The following TMPRSS15 variants were observed in gnomAD, a reference collection of about 807,000 sequenced individuals.
TMPRSS15 encodes the protein transmembrane serine protease 15, also known as enteropeptidase.
In TMPRSS15, 128 loss-of-function variants were observed where a neutral mutation model predicts 125.3. That is an observed-to-expected ratio of 1.02 (90% CI 0.89 to 1.18). The LOEUF is 1.18. Ranked by LOEUF, TMPRSS15 falls within the 50% of genes most tolerant of loss-of-function variation. TMPRSS15 has a pLI of 0.00. For missense variants in TMPRSS15, 1,283 were observed against 1,212.7 expected, an observed-to-expected ratio of 1.06 and a Z score of -0.86; for synonymous variants, 446 against 423.2, an observed-to-expected ratio of 1.05 and a Z score of -0.66.
chr21:18,342,183 T>C (rs1347559216), intron 12 of TMPRSS15, among the ~76,000 whole-genome samples: 2 of 152,092 alleles, frequency 1.3e-5, no homozygotes, highest in African/African-American at 2.4e-5. Context: ...TCAGGAACAG[T>C]GGGTATTTTA....
Position 18,415,025 on chromosome 21 carries a change from C to CT in TMPRSS15, c.11-16697dup, listed in dbSNP as rs202167742. Among the ~76,000 whole-genome samples the CT allele has an allele frequency of 1.8e-3, 273 of 151,856 alleles. 1 individual carries two copies. The highest frequency in any genetic ancestry group is 6.1e-3 in the African/African-American group (254 of 41,376). ...TTTCTACCTTCTTGCTAGCCCTTAT[C>CT]TGTTTTTTTTTGACAGTAGACACCC... On this transcript the variant is annotated intron_variant, in intron 1 of 7. Coordinates refer to the TMPRSS15 transcript ENST00000422787.
At chr21:18,441,160 G>C (rs564758188) in intron 1 of TMPRSS15, among the ~76,000 whole-genome samples, 1 of 152,212 alleles carries the variant, frequency 6.6e-6, no homozygotes, top group South Asian at 2.1e-4. Flanking sequence ...AGGTGTGGTG[G>C]CATGCACCTG....
At chr21:18,453,781 A>G (rs1978385573) in intron 1 of TMPRSS15, among the ~76,000 whole-genome samples, 1 of 152,200 alleles carries the variant, frequency 6.6e-6, no homozygotes, top group Admixed American at 6.5e-5. Context: ...GAATAAAGAA[A>G]ATCTGGTATA....
At chr21:18,430,543 A>G (rs559761137) in intron 1 of TMPRSS15, among the ~76,000 whole-genome samples, 2 of 152,234 alleles carry the variant, frequency 1.3e-5, no homozygotes, top group East Asian at 1.9e-4. Flanking sequence ...TAGTGTGGCA[A>G]TTGTTATTAG....
At chr21:18,469,591 C>A (rs1273211395) in intron 1 of TMPRSS15, among the ~76,000 whole-genome samples, 1 of 151,942 alleles carries the variant, frequency 6.6e-6, no homozygotes, top group African/African-American at 2.4e-5. Context: ...ATATTCATTA[C>A]AATTGTTCAA....
chr21:18,308,953 T>C (rs1307439816), intron 18 of TMPRSS15, among the ~76,000 whole-genome samples: 3 of 152,218 alleles, frequency 2.0e-5, no homozygotes, highest in African/African-American at 7.2e-5. Context: ...TAGTATTCCA[T>C]GGTGTATATG....
At chr21:18,317,440 GT>G (rs1466776190) in intron 16 of TMPRSS15, among the ~76,000 whole-genome samples, 2 of 136,508 alleles carry the variant, frequency 1.5e-5, no homozygotes, top group Admixed American at 7.6e-5. Flanking sequence ...GAGGGGGGGT[GT>G]TTTTATGGGG....
intron 21 of TMPRSS15, 129 bp downstream of exon 21, chr21:18,294,140 AT>A: frequency 9.5e-7 from 1 of 1,056,168 alleles, no homozygotes; most frequent in Non-Finnish European, 1.4e-6. Flanking sequence ...AATAATTGGA[AT>A]GTTTATAATG....
intron 3 of TMPRSS15, among the ~76,000 whole-genome samples, chr21:18,394,233 T>C (rs1036909111): frequency 1.2e-4 from 19 of 152,206 alleles, no homozygotes; most frequent in African/African-American, 3.9e-4. Context: ...TAGCAATTTA[T>C]GTTGTATTTC....
chr21:18,285,737 T>C (rs1167771920), intron 21 of TMPRSS15, among the ~76,000 whole-genome samples: 3 of 152,240 alleles, frequency 2.0e-5, no homozygotes, highest in South Asian at 4.1e-4. Context: ...GCAAGGTGAC[T>C]CTCATATAAT....
chr21:18,328,652 G>A (rs564078277), intron 15 of TMPRSS15, among the ~76,000 whole-genome samples: 3 of 152,196 alleles, frequency 2.0e-5, no homozygotes, highest in East Asian at 1.9e-4. Context: ...GTGGTGGAGT[G>A]AGGATGATCA....
chr21:18,296,969 C>T (rs1429606781), intron 19 of TMPRSS15, among the ~76,000 whole-genome samples: 1 of 151,960 alleles, frequency 6.6e-6, no homozygotes, highest in African/African-American at 2.4e-5. Flanking sequence ...CATTTTTTAC[C>T]ATGAAACAAA....
intron 16 of TMPRSS15, among the ~76,000 whole-genome samples, chr21:18,318,917 T>C (rs1051979363): frequency 2.6e-5 from 4 of 152,210 alleles, no homozygotes; most frequent in Non-Finnish European, 5.9e-5. Context: ...AGTAGATATT[T>C]TTAAAACATA....
At chr21:18,372,144 A>G in intron 6 of TMPRSS15, 49 bp downstream of exon 6, 1 of 1,182,708 alleles carries the variant, frequency 8.5e-7, no homozygotes, top group Non-Finnish European at 1.2e-6. Flanking sequence ...GTGTGTCTAC[A>G]GTGAGGGAGG....
rs934770412 is a variant in TMPRSS15 at position 18,438,616 on chromosome 21, ACT to A, written c.11-40289_11-40288del. On this transcript the variant is annotated intron_variant, in intron 1 of 7. Transcript: ENST00000422787. The stretch of plus-strand genomic sequence containing the variant: ...GTTTCATATTTGTATGGTGCTTTAT[ACT>A]CTCTATCACAAATACCGTCTCATCA... 6.0e-4 allele frequency among the ~76,000 whole-genome samples: 92 copies of A among 152,260 alleles called. 1 individual carries two copies. The highest frequency in any genetic ancestry group is 2.7e-3 in the East Asian group (14 of 5,182).
At chr21:18,408,446 T>C (rs573028680), upstream of TMPRSS15, among the ~76,000 whole-genome samples, 4 of 152,278 alleles carry the variant, frequency 2.6e-5, no homozygotes, top group South Asian at 8.3e-4. Flanking sequence ...TCAAAAATAC[T>C]TCTGGACATT....
intron 1 of TMPRSS15, among the ~76,000 whole-genome samples, chr21:18,430,333 C>G (rs2076213918): frequency 6.6e-6 from 1 of 152,034 alleles, no homozygotes; most frequent in Admixed American, 6.6e-5. Flanking sequence ...AACATTTGGT[C>G]CCATAAAAAA....
intron 7 of TMPRSS15, among the ~76,000 whole-genome samples, chr21:18,360,734 A>AT (rs1226349048): frequency 1.3e-5 from 2 of 151,450 alleles, no homozygotes; most frequent in Non-Finnish European, 2.9e-5. Context: ...CAGGTTTGTT[A>AT]TTTTTTCAGT....
At chr21:18,282,485 A>G (rs2074713233) in intron 21 of TMPRSS15, among the ~76,000 whole-genome samples, 1 of 152,158 alleles carries the variant, frequency 6.6e-6, no homozygotes, top group African/African-American at 2.4e-5. Flanking sequence ...TCACTTCCAG[A>G]TGTATAAAGG....
Sources: allele counts gnomAD v4.1 joint callset (sites outside exome capture counted in the v4.1 genomes callset), GRCh38; gene constraint gnomAD v4.1.1; transcripts MANE v1.5; gene names NCBI Gene and HGNC (gene_info 2026-07-23, HGNC 2026-07-21).